PTPRK: variants seen among roughly 807,000 people sequenced by gnomAD.
The protein encoded by PTPRK is receptor-type tyrosine-protein phosphatase kappa.
PTPRK carries 75 observed loss-of-function variants against 178.0 expected under a neutral mutation model. The observed-to-expected ratio is 0.42, with a 90% CI of 0.35 to 0.51. The LOEUF (loss-of-function observed/expected upper bound fraction) is 0.51. Among genes scored for constraint, PTPRK ranks in the 20% least tolerant of loss-of-function variants. PTPRK has a pLI of 0.02. For synonymous variants in PTPRK, 637 were observed against 620.6 expected (o/e 1.03, Z -0.39); for missense variants, 1,441 against 1,797.8 (o/e 0.80, Z 3.59).
At chr6:128,344,998 G>A (rs949182342) in intron 2 of PTPRK, among the ~76,000 whole-genome samples, 11 of 149,390 alleles carry the variant, frequency 7.4e-5, no homozygotes, top group Admixed American at 4.0e-4. Context: ...GTAGGAGAAT[G>A]GGGGGGGAAA....
intron 1 of PTPRK, among the ~76,000 whole-genome samples, chr6:128,480,524 T>A (rs1851945204): frequency 1.3e-5 from 2 of 152,182 alleles, no homozygotes; most frequent in South Asian, 2.1e-4. Flanking sequence ...TGGTTCCAGC[T>A]CATGTCCTTA....
chr6:127,999,537 G>T (rs994951823), intron 15 of PTPRK, among the ~76,000 whole-genome samples: 1 of 151,914 alleles, frequency 6.6e-6, no homozygotes, highest in Non-Finnish European at 1.5e-5. Flanking sequence ...TGTTTTTATT[G>T]CAAATGTATT....
intron 2 of PTPRK, among the ~76,000 whole-genome samples, chr6:128,370,712 T>C (rs187102053): frequency 1.4e-3 from 212 of 152,294 alleles, no homozygotes; most frequent in Non-Finnish European, 2.5e-3. Flanking sequence ...TTTAGACTTT[T>C]GTTATTACTA....
chr6:127,986,791 C>T (rs1776030667), intron 21 of PTPRK, among the ~76,000 whole-genome samples: 1 of 152,128 alleles, frequency 6.6e-6, no homozygotes, highest in African/African-American at 2.4e-5. Flanking sequence ...ATGAAATAAA[C>T]AAAACTGAGA....
At chr6:128,336,830 C>T (rs1830998835) in intron 2 of PTPRK, among the ~76,000 whole-genome samples, 2 of 152,156 alleles carry the variant, frequency 1.3e-5, no homozygotes, top group Admixed American at 1.3e-4. Flanking sequence ...GTGATTGCTT[C>T]AGTGATGGTG....
At chr6:128,193,813 T>G (rs1016442141) in intron 6 of PTPRK, among the ~76,000 whole-genome samples, 1 of 151,986 alleles carries the variant, frequency 6.6e-6, no homozygotes, top group African/African-American at 2.4e-5. Context: ...ATTACCTGCT[T>G]GAAATAAAAA....
At chr6:128,061,564 G>C (rs1405491139) in intron 13 of PTPRK, among the ~76,000 whole-genome samples, 1 of 152,110 alleles carries the variant, frequency 6.6e-6, no homozygotes, top group Non-Finnish European at 1.5e-5. Context: ...TGGGAGGCAG[G>C]GGAGGGTCTG....
chr6:128,182,690 A>G (rs1427135690), intron 7 of PTPRK, among the ~76,000 whole-genome samples: 1 of 152,180 alleles, frequency 6.6e-6, no homozygotes, highest in African/African-American at 2.4e-5. Flanking sequence ...TCCAAAGTCC[A>G]CTCAGAACAT....
chr6:128,137,260 G>A (rs934181231), intron 7 of PTPRK, among the ~76,000 whole-genome samples: 2 of 152,150 alleles, frequency 1.3e-5, no homozygotes, highest in African/African-American at 4.8e-5. Flanking sequence ...GAGCCATGCA[G>A]CTTTTTACTT....
intron 1 of PTPRK, among the ~76,000 whole-genome samples, chr6:128,432,777 A>C (rs564288199): frequency 2.5e-4 from 33 of 132,462 alleles, no homozygotes; most frequent in African/African-American, 1.1e-3. Flanking sequence ...CACACACCCT[A>C]ACTCAATGTA....
intron 7 of PTPRK, among the ~76,000 whole-genome samples, chr6:128,128,702 C>A (rs1375670977): frequency 6.6e-6 from 1 of 152,112 alleles, no homozygotes; most frequent in Non-Finnish European, 1.5e-5. Flanking sequence ...AGAATTCCAA[C>A]AAAATTTTAA....
chr6:128,357,751 T>C (rs1261749522), intron 2 of PTPRK, among the ~76,000 whole-genome samples: 1 of 152,246 alleles, frequency 6.6e-6, no homozygotes, highest in African/African-American at 2.4e-5. Context: ...GTGTTTCCAT[T>C]CCTGGCACCT....
chr6:128,464,674 T>TATATATATATACAC (rs1407701569), intron 1 of PTPRK, among the ~76,000 whole-genome samples: 2 of 124,766 alleles, frequency 1.6e-5, no homozygotes, highest in African/African-American at 6.2e-5. Flanking sequence ...TATATATATA[T>TATATATATATACAC]ACAACAGATG....
chr6:128,162,013 A>C (rs961302258), intron 7 of PTPRK, among the ~76,000 whole-genome samples: 1 of 151,648 alleles, frequency 6.6e-6, no homozygotes, highest in African/African-American at 2.4e-5. Flanking sequence ...TGAAACTCAT[A>C]TAACAGACCA....
intron 7 of PTPRK, among the ~76,000 whole-genome samples, chr6:128,100,914 G>A (rs1198963314): frequency 6.6e-6 from 1 of 151,972 alleles, no homozygotes; most frequent in Non-Finnish European, 1.5e-5. Flanking sequence ...AATACTTTAT[G>A]CAAGGTATTT....
At chr6:128,304,216 A>G (rs1826049565) in intron 3 of PTPRK, among the ~76,000 whole-genome samples, 1 of 152,204 alleles carries the variant, frequency 6.6e-6, no homozygotes, top group Admixed American at 6.5e-5. Flanking sequence ...AGAAGGAGAA[A>G]CATAGCTTCT....
intron 7 of PTPRK, among the ~76,000 whole-genome samples, chr6:128,111,905 C>CA (rs1790730069): frequency 6.6e-6 from 1 of 152,050 alleles, no homozygotes; most frequent in Non-Finnish European, 1.5e-5. Context: ...CAGAACCTAA[C>CA]ATGATATCTA....
At chr6:128,476,764 G>T (rs981376665) in intron 1 of PTPRK, among the ~76,000 whole-genome samples, 1 of 151,868 alleles carries the variant, frequency 6.6e-6, no homozygotes, top group Non-Finnish European at 1.5e-5. Context: ...TAGTTTTCAG[G>T]TTTAGCACAT....
chr6:127,997,070 T>TA, intron 16 of PTPRK, 82 bp from the exon 17 acceptor site: 2 of 1,381,334 alleles, frequency 1.4e-6, no homozygotes, highest in South Asian at 1.3e-5. Flanking sequence ...CCCCAAATAG[T>TA]AAAAACCACT....
Sources: allele counts gnomAD v4.1 joint callset (sites outside exome capture counted in the v4.1 genomes callset), GRCh38; gene constraint gnomAD v4.1.1; transcripts MANE v1.5; gene names NCBI Gene and HGNC (gene_info 2026-07-23, HGNC 2026-07-21).